RFTN1: variants seen among roughly 807,000 people sequenced by gnomAD.
The protein encoded by RFTN1 is raftlin.
A neutral mutation model predicts 46.5 loss-of-function variants in RFTN1; 26 were observed. That is an observed-to-expected ratio of 0.56 (90% CI 0.41 to 0.78). The LOEUF is 0.78. RFTN1 is among the 30% of genes least tolerant of loss of function. The pLI is 0.00. For synonymous variants in RFTN1, 261 were observed against 284.2 expected (o/e 0.92, Z 0.82); for missense variants, 693 against 718.7 (o/e 0.96, Z 0.41).
chr3:16,342,612 T>C lies in RFTN1; in HGVS notation c.1146+15320A>G, dbSNP rs1451171794. Among the ~76,000 whole-genome samples, 1 of 152,186 alleles carries C rather than the reference T, an allele frequency of 6.6e-6. No individual in the cohort carries two copies. The highest frequency in any genetic ancestry group is 2.4e-5 in the African/African-American group (1 of 41,428). ...TTGGGAAAGTGTCCATGGATCACTTTTATAAAAATAAAAAAAGTTATAAGA... is the reference window on the plus strand; with the variant it reads ...TTGGGAAAGTGTCCATGGATCACTTCTATAAAAATAAAAAAAGTTATAAGA... On this transcript the variant is annotated intron_variant, in intron 7 of 9. Coordinates refer to ENST00000334133, the MANE Select transcript of RFTN1 (RefSeq NM_015150.2). This position sits in a 1 kb window ranked among gnomAD's most constrained non-coding sequence, Gnocchi z 4.0.
rs2074053401 is a variant in RFTN1, at chr3:16,383,181, T to TC, written c.442-5080dup. ...AGTATCCTAAGCCCAACCTGATGCC[T>TC]CTTCAACGATACCACTCTTTCCACT... On this transcript the variant is annotated intron_variant, in intron 4 of 9. Coordinates refer to ENST00000334133, the MANE Select transcript of RFTN1 (RefSeq NM_015150.2). This position sits in a 1 kb window ranked among gnomAD's most constrained non-coding sequence, Gnocchi z 4.0. Among the ~76,000 whole-genome samples the TC allele has an allele frequency of 6.6e-6, 1 of 152,070 alleles. No homozygotes were observed. Among genetic ancestry groups the TC allele is most frequent in the South Asian group, 2.1e-4 (1 of 4,822 alleles).
Position 16,474,516 on chromosome 3 carries a change from G to A in RFTN1, c.145+19209C>T, listed in dbSNP as rs188378751. Among the ~76,000 whole-genome samples, 14 of 152,268 alleles carry A rather than the reference G, an allele frequency of 9.2e-5. No homozygotes were observed. The East Asian group carries it at 1.5e-3, about 17-fold the overall frequency. On this transcript the variant is annotated intron_variant, in intron 2 of 9. Coordinates refer to ENST00000334133, the MANE Select transcript of RFTN1 (RefSeq NM_015150.2). The surrounding 1 kb of genome is among the most constrained non-coding windows in gnomAD (Gnocchi z 5.5). ...CCAGTACACCCCCAGGAAGCCAGCC[G>A]ATTCTCTGGTGATGAGTGATGCTGG...
chr3:16,416,672 A>C (rs2075087133), intron 3 of RFTN1, among the ~76,000 whole-genome samples: 1 of 152,234 alleles, frequency 6.6e-6, no homozygotes, highest in African/African-American at 2.4e-5. Context: ...ATAACTGAAC[A>C]AGTCCATGGA....
At chr3:16,404,949 G>A (rs2074816493) in intron 4 of RFTN1, among the ~76,000 whole-genome samples, 1 of 152,022 alleles carries the variant, frequency 6.6e-6, no homozygotes, top group Non-Finnish European at 1.5e-5. Flanking sequence ...TGCCATTCTG[G>A]TCTCTCAAAT....
At chr3:16,508,859 C>T (rs1421893278) in intron 1 of RFTN1, among the ~76,000 whole-genome samples, 2 of 152,130 alleles carry the variant, frequency 1.3e-5, no homozygotes, top group African/African-American at 4.8e-5. Context: ...CAGAGCAGCA[C>T]TGTCAAACAG....
intron 7 of RFTN1, among the ~76,000 whole-genome samples, chr3:16,328,117 G>A (rs780423922): frequency 1.1e-4 from 16 of 152,360 alleles, no homozygotes; most frequent in Non-Finnish European, 1.9e-4. Context: ...AGGCTAGCAG[G>A]GGCAACAGCA....
rs765769545 is a variant in RFTN1, at chr3:16,377,787, C to T, written c.757G>A (p.Gly253Arg). ...GGTCCATCCAGTGTCTTGCTCACCCCCTGTGGTGAAAGTTCTCCACCATCT... is the reference window on the plus strand; with the variant it reads ...GGTCCATCCAGTGTCTTGCTCACCCTCTGTGGTGAAAGTTCTCCACCATCT... ...EGDGGELSPQGVSKTLDGPES... is the reference protein window; with the variant it reads ...EGDGGELSPQRVSKTLDGPES... The change falls in exon 5 of 10, where the codon GGG (glycine) becomes AGG (arginine). Residue 253 changes from glycine to arginine, a missense_variant. Transcript: ENST00000334133. 20 of 1,614,050 alleles carry T rather than the reference C, an allele frequency of 1.2e-5. No individual in the cohort carries two copies. Among genetic ancestry groups the T allele is most frequent in the Admixed American group, 1.0e-4 (6 of 60,010 alleles).
rs985925781 is a variant in RFTN1 at position 16,440,055 on chromosome 3, G to A, written c.146-6018C>T. 2.6e-5 allele frequency among the ~76,000 whole-genome samples: 4 copies of A among 152,086 alleles called. No individual in the cohort carries two copies. Among genetic ancestry groups the A allele is most frequent in the Admixed American group, 6.5e-5 (1 of 15,270 alleles). On this transcript the variant is annotated intron_variant, in intron 2 of 9. Transcript: ENST00000334133. The surrounding 1 kb of genome is among the most constrained non-coding windows in gnomAD (Gnocchi z 4.6). ...AGTTAAAATTTCTAATTATAACTTC[G>A]TAGTCTGAAGATAAGGGACACTGGT...
In RFTN1 at chr3:16,344,374, T is replaced by C. The variant is rs2071503487; in HGVS notation, c.1146+13558A>G. Among the ~76,000 whole-genome samples, 1 of 151,994 alleles carries C rather than the reference T, an allele frequency of 6.6e-6. No individual in the cohort carries two copies. The highest frequency in any genetic ancestry group is 1.5e-5 in the Non-Finnish European group (1 of 68,008). Reference sequence around the variant, plus strand: ...TAGGATGCTTCCTATAGGCATCAACTATAATCTAATTTAGAAACAACATGT... The same window carrying C: ...TAGGATGCTTCCTATAGGCATCAACCATAATCTAATTTAGAAACAACATGT... On this transcript the variant is annotated intron_variant, in intron 7 of 9. Coordinates refer to ENST00000334133, the MANE Select transcript of RFTN1 (RefSeq NM_015150.2). This position sits in a 1 kb window ranked among gnomAD's most constrained non-coding sequence, Gnocchi z 4.4.
chr3:16,487,784 G>A (rs1443217673), intron 2 of RFTN1, among the ~76,000 whole-genome samples: 1 of 152,206 alleles, frequency 6.6e-6, no homozygotes, highest in Non-Finnish European at 1.5e-5. Flanking sequence ...GCACAGAGAG[G>A]CTGGCAAAAC....
Position 16,338,080 on chromosome 3 carries a change from G to T in RFTN1, c.1147-11204C>A, listed in dbSNP as rs1289077045. 1.3e-5 allele frequency among the ~76,000 whole-genome samples: 2 copies of T among 152,256 alleles called. No homozygotes were observed. The highest frequency in any genetic ancestry group is 2.9e-5 in the Non-Finnish European group (2 of 68,044). On this transcript the variant is annotated intron_variant, in intron 7 of 9. Coordinates refer to ENST00000334133, the MANE Select transcript of RFTN1 (RefSeq NM_015150.2). The surrounding 1 kb of genome is among the most constrained non-coding windows in gnomAD (Gnocchi z 5.3). ...GCTGGCAAGAAAACCAAACCTGCAT[G>T]TGCAAGATAACATTCTCCTGGATTC...
rs765666303 is a variant in RFTN1, at chr3:16,458,280, G to A, written c.146-24243C>T. 2.6e-5 allele frequency among the ~76,000 whole-genome samples: 4 copies of A among 152,192 alleles called. No individual in the cohort carries two copies. Among genetic ancestry groups the A allele is most frequent in the Non-Finnish European group, 5.9e-5 (4 of 68,046 alleles). On this transcript the variant is annotated intron_variant, in intron 2 of 9. Transcript: ENST00000334133. The surrounding 1 kb of genome is among the most constrained non-coding windows in gnomAD (Gnocchi z 5.1). ...ATAGAGGTGTACAAAGCCAGCAGGG[G>A]CAAGCATGGAAATAGATTGCTGCAG...
chr3:16,365,279 A>G (rs757488144), intron 6 of RFTN1, among the ~76,000 whole-genome samples: 6 of 152,162 alleles, frequency 3.9e-5, no homozygotes, highest in Non-Finnish European at 8.8e-5. Context: ...AAACACTCCA[A>G]TATCAGTGTT....
At chr3:16,463,450 A>T (rs2076039961) in intron 2 of RFTN1, among the ~76,000 whole-genome samples, 4 of 152,078 alleles carry the variant, frequency 2.6e-5, no homozygotes, top group Admixed American at 2.6e-4. Flanking sequence ...GCTACATATG[A>T]TCTCTCTGTT....
chr3:16,490,180 T>C (rs770619146), intron 2 of RFTN1, among the ~76,000 whole-genome samples: 1 of 152,162 alleles, frequency 6.6e-6, no homozygotes, highest in African/African-American at 2.4e-5. Flanking sequence ...CAAGGCTTGG[T>C]CCTTGCCCTG....
chr3:16,462,197 A>G (rs1351456933), intron 2 of RFTN1, among the ~76,000 whole-genome samples: 1 of 152,238 alleles, frequency 6.6e-6, no homozygotes, highest in East Asian at 1.9e-4. Flanking sequence ...GGTGGTAATA[A>G]GGGAACCTGA....
rs527913625 is a variant in RFTN1 at position 16,468,836 on chromosome 3, T to A, written c.145+24889A>T. The stretch of plus-strand genomic sequence containing the variant: ...ATCTTTATAACTGAGACAAAAAAAA[T>A]GCCACATAATTAGACACAGCCAGAA... On this transcript the variant is annotated intron_variant, in intron 2 of 9. Coordinates refer to ENST00000334133, the MANE Select transcript of RFTN1 (RefSeq NM_015150.2). This position sits in a 1 kb window ranked among gnomAD's most constrained non-coding sequence, Gnocchi z 4.4. Among the ~76,000 whole-genome samples, 10 of 152,262 alleles carry A rather than the reference T, an allele frequency of 6.6e-5. No homozygotes were observed. Among genetic ancestry groups the A allele is most frequent in the African/African-American group, 9.6e-5 (4 of 41,552 alleles).
chr3:16,394,892 A>G (rs1266735966), intron 4 of RFTN1, among the ~76,000 whole-genome samples: 1 of 152,200 alleles, frequency 6.6e-6, no homozygotes, highest in African/African-American at 2.4e-5. Flanking sequence ...ATGAATTTTA[A>G]AAGTGCTGAA....
At chr3:16,391,869 GTTTT>G (rs576052890) in intron 4 of RFTN1, among the ~76,000 whole-genome samples, 71 of 57,778 alleles carry the variant, frequency 1.2e-3, no homozygotes, top group African/African-American at 2.5e-3. Context: ...TTTTTTTTTT[GTTTT>G]TTTTTTTTGT....
Sources: allele counts gnomAD v4.1 joint callset (sites outside exome capture counted in the v4.1 genomes callset), GRCh38; gene constraint gnomAD v4.1.1; non-coding constraint Gnocchi (gnomAD v3.1); transcripts MANE v1.5; gene names NCBI Gene and HGNC (gene_info 2026-07-23, HGNC 2026-07-21).